Variants in PIK3C3 observed in about 807,000 individuals in gnomAD.
PIK3C3 encodes the protein phosphatidylinositol 3-kinase catalytic subunit type 3.
Under a neutral mutation model 126.1 loss-of-function variants are expected in PIK3C3, and 95 were observed. The ratio of observed to expected loss-of-function variants is 0.75; its 90% CI spans 0.64 to 0.89. The LOEUF (loss-of-function observed/expected upper bound fraction) is 0.89. PIK3C3 is among the 40% of genes least tolerant of loss of function. PIK3C3 has a pLI of 0.00. For synonymous variants in PIK3C3, 374 were observed against 360.0 expected (o/e 1.04, Z -0.44); for missense variants, 829 against 1,063.2 (o/e 0.78, Z 3.06).
chr18:42,018,561 A>G (rs1176735933), intron 12 of PIK3C3, among the ~76,000 whole-genome samples: 1 of 152,064 alleles, frequency 6.6e-6, no homozygotes, highest in Admixed American at 6.6e-5. Context: ...CCTAAGCTTT[A>G]AAACTGGAGA....
At chr18:42,006,367 A>G (rs1982542388) in intron 10 of PIK3C3, among the ~76,000 whole-genome samples, 2 of 152,122 alleles carry the variant, frequency 1.3e-5, no homozygotes, top group African/African-American at 4.8e-5. Flanking sequence ...AGCAGAAAAA[A>G]TCAGAGTTTT....
At chr18:42,064,668 G>A in intron 22 of PIK3C3, 72 bp from the exon 23 acceptor site, 1 of 738,378 alleles carries the variant, frequency 1.4e-6, no homozygotes, top group Non-Finnish European at 2.4e-6. Context: ...TACTTCTAAA[G>A]TATTCTTAAT....
chr18:42,086,912 T>G lies in PIK3C3; in HGVS notation c.*5775T>G, dbSNP rs1986411781. The G allele has an allele frequency of 3.3e-5, 5 of 152,226 alleles. No individual in the cohort carries two copies. 9.4% of individuals were successfully genotyped at this position (152,226 alleles called of 1,614,324 possible). The stretch of plus-strand genomic sequence containing the variant: ...CTTTATGGACTCCCCTGAATTCTTC[T>G]GCAGGAGATCCAAGAACCCTCTCTT... On this transcript the variant is annotated 3_prime_UTR_variant, in exon 25 of 25. Coordinates refer to ENST00000262039, the MANE Select transcript of PIK3C3 (RefSeq NM_002647.4).
chr18:42,081,563 TTTG>T lies in PIK3C3; in HGVS notation c.*429_*431del, dbSNP rs1296211049. 1 of 165,596 alleles carries T rather than the reference TTTG, an allele frequency of 6.0e-6. No homozygotes were observed. The highest frequency in any genetic ancestry group is 2.4e-5 in the African/African-American group (1 of 42,002). The allele number at this position is 165,596 out of a possible 1,614,324, so 10.3% of individuals were successfully genotyped here. ...GATTGTCACAGTTTACAAGTTTTTG[TTTG>T]TTCCTTCTTTCCTCTCTCTTCTCCC... On this transcript the variant is annotated 3_prime_UTR_variant, in exon 25 of 25. Transcript: ENST00000262039.
chr18:42,057,588 T>C, intron 21 of PIK3C3: 1 of 268,528 alleles, frequency 3.7e-6, no homozygotes. Context: ...TTACCCAGGC[T>C]CTGACCGTCT....
rs768147427 is a variant in PIK3C3 at position 42,083,734 on chromosome 18, G to A, written c.*2597G>A. ...GATAGAATTGTCTCCTCATTTTTTA[G>A]TTGAAATAACTGAAGTTTAAAGCAA... On this transcript the variant is annotated 3_prime_UTR_variant, in exon 25 of 25. Transcript: ENST00000262039. The A allele has an allele frequency of 1.3e-5, 2 of 152,118 alleles. No individual in the cohort carries two copies. Among genetic ancestry groups the A allele is most frequent in the Admixed American group, 6.5e-5 (1 of 15,272 alleles). The allele number at this position is 152,118 out of a possible 1,614,324, so 9.4% of individuals were successfully genotyped here.
At chr18:42,038,712 A>G (rs986050864) in intron 17 of PIK3C3, 69 bp from the exon 18 acceptor site, 3 of 930,726 alleles carry the variant, frequency 3.2e-6, no homozygotes, top group African/African-American at 3.3e-5. Flanking sequence ...CTGCTATACT[A>G]TTTGCCCACA....
At chr18:42,007,230 T>C (rs1325877481) in intron 10 of PIK3C3, among the ~76,000 whole-genome samples, 1 of 152,208 alleles carries the variant, frequency 6.6e-6, no homozygotes, top group Non-Finnish European at 1.5e-5. Context: ...AGATATCTGC[T>C]TTTTACATTT....
rs570214871 is a variant in PIK3C3 at position 42,081,434 on chromosome 18, G to A, written c.*297G>A. 4 of 315,730 alleles carry A rather than the reference G, an allele frequency of 1.3e-5. No homozygotes were observed. In the South Asian group the frequency reaches 4.5e-4, roughly 36 times the overall value. The allele number at this position is 315,730 out of a possible 1,614,324, so 19.6% of individuals were successfully genotyped here. On this transcript the variant is annotated 3_prime_UTR_variant, in exon 25 of 25. Transcript: ENST00000262039. ...TTATGTACATGTTATGAGAGTTCTG[G>A]AGGAAGTAATATGTTGAAATAGTAA...
intron 3 of PIK3C3, among the ~76,000 whole-genome samples, chr18:41,963,224 C>T (rs1178668168): frequency 6.6e-6 from 1 of 152,110 alleles, no homozygotes; most frequent in South Asian, 2.1e-4. Context: ...GAATTTTTCA[C>T]TAAAGAACTT....
rs1568123815 is a variant in PIK3C3 at position 41,987,988 on chromosome 18, C to A, written c.618+90C>A. 3 of 746,106 alleles carry A rather than the reference C, an allele frequency of 4.0e-6. No individual in the cohort carries two copies. The African/African-American group carries it at 5.5e-5, about 14-fold the overall frequency. 46.2% of individuals were successfully genotyped at this position (746,106 alleles called of 1,614,324 possible). A position where few individuals can be genotyped will look rare whatever the true frequency, so the allele number is the denominator to read the frequency against. ...ATAAGAATTATTATTAGGTATCTTA[C>A]AAATATAGGATTATCAGGGTTAACC... is the stretch of plus-strand genomic sequence containing the variant. On this transcript the variant is annotated intron_variant, in intron 5 of 24. Transcript: ENST00000262039.
At chr18:42,010,341 T>C (rs1476272648) in intron 10 of PIK3C3, among the ~76,000 whole-genome samples, 2 of 152,116 alleles carry the variant, frequency 1.3e-5, no homozygotes, top group Admixed American at 6.6e-5. Context: ...TTTCCGTGAC[T>C]TCTGCATTTA....
intron 10 of PIK3C3, among the ~76,000 whole-genome samples, chr18:42,011,847 C>T (rs1474895618): frequency 1.3e-5 from 2 of 152,082 alleles, no homozygotes; most frequent in Non-Finnish European, 2.9e-5. Flanking sequence ...TAATTGGCCT[C>T]ATTGCAGTAT....
rs545280666 is a variant in PIK3C3, at chr18:42,079,284, AAG to A, written c.2650-1833_2650-1832del. On this transcript the variant is annotated intron_variant, in intron 24 of 24. Transcript: ENST00000262039. Reference sequence around the variant, plus strand: ...TGTCTTAGGGAGGCTTAAAGAGAAGAAGAGAGATAGGGGAATGGCCAGTTGGT... The same window carrying A: ...TGTCTTAGGGAGGCTTAAAGAGAAGAAGAGATAGGGGAATGGCCAGTTGGT... 2.3e-3 allele frequency among the ~76,000 whole-genome samples: 344 copies of A among 152,310 alleles called. 1 individual carries two copies. Among genetic ancestry groups the A allele is most frequent in the African/African-American group, 7.6e-3 (315 of 41,564 alleles).
intron 9 of PIK3C3, among the ~76,000 whole-genome samples, chr18:42,001,434 G>C (rs564992816): frequency 4.6e-5 from 7 of 152,294 alleles, no homozygotes; most frequent in Non-Finnish European, 1.0e-4. Flanking sequence ...GTTACACACA[G>C]AGAGAGAATT....
intron 13 of PIK3C3, chr18:42,026,576 C>G (rs754391504): frequency 2.0e-5 from 3 of 152,126 alleles, no homozygotes; most frequent in Non-Finnish European, 4.4e-5. Context: ...CCACCTCAGC[C>G]TCCTTAGTAG....
In PIK3C3 at chr18:41,988,288, A is replaced by G. The variant is rs148927152; in HGVS notation, c.618+390A>G. Among the ~76,000 whole-genome samples the G allele has an allele frequency of 5.3e-5, 8 of 152,236 alleles. No individual in the cohort carries two copies. In the East Asian group the frequency reaches 7.7e-4, roughly 15 times the overall value. On this transcript the variant is annotated intron_variant, in intron 5 of 24. Coordinates refer to ENST00000262039, the MANE Select transcript of PIK3C3 (RefSeq NM_002647.4). ...ATCATTTCAGCAAGTTCTCTCTTCA[A>G]TTAATTTATTACTTGTCTATGTACT...
At chr18:42,044,269 G>C (rs1984459043) in intron 20 of PIK3C3, among the ~76,000 whole-genome samples, 1 of 152,106 alleles carries the variant, frequency 6.6e-6, no homozygotes, top group African/African-American at 2.4e-5. Flanking sequence ...AAATAAGAAA[G>C]CAGTAGTAGT....
At chr18:42,018,508 G>C (rs1225371984) in intron 12 of PIK3C3, among the ~76,000 whole-genome samples, 3 of 152,062 alleles carry the variant, frequency 2.0e-5, no homozygotes, top group Non-Finnish European at 4.4e-5. Context: ...CCTGATTGAG[G>C]AGTTTTTTAA....
Sources: allele counts gnomAD v4.1 joint callset (sites outside exome capture counted in the v4.1 genomes callset), GRCh38; gene constraint gnomAD v4.1.1; transcripts MANE v1.5; gene names NCBI Gene and HGNC (gene_info 2026-07-23, HGNC 2026-07-21).